MKRN1: variants seen among roughly 807,000 people sequenced by gnomAD.
MKRN1 encodes makorin ring finger protein 1, also known as E3 ubiquitin-protein ligase makorin-1.
In MKRN1, 9 loss-of-function variants were observed where a neutral mutation model predicts 55.5. The observed-to-expected ratio is 0.16, with a 90% confidence interval of 0.10 to 0.28. The LOEUF is 0.28. MKRN1 is among the 10% of genes least tolerant of loss of function. The pLI is 1.00. For synonymous variants in MKRN1, 253 were observed against 235.9 expected (o/e 1.07, Z -0.66); for missense variants, 488 against 626.7 (o/e 0.78, Z 2.36).
At position 140,459,067 on chromosome 7, in the gene MKRN1, G is replaced by C; in HGVS notation, c.711C>G (p.Asp237Glu). ...GATGCAGGACCTGCAGCCCACACATGTCACAAGAATCTCCGTGGAGATACA... is the reference window on the plus strand; with the variant it reads ...GATGCAGGACCTGCAGCCCACACATCTCACAAGAATCTCCGTGGAGATACA... ...NCVYLHGDSC[D>E]MCGLQVLHPM... Residue 237 changes from aspartate to glutamate, a missense_variant, in exon 4 of 8, where the codon GAC (aspartate) becomes GAG (glutamate). Asp to Glu is a conservative substitution (Grantham distance 45, BLOSUM62 2). This residue lies in a region of MKRN1 where 278 missense variants were observed against 406.7 expected (regional missense o/e 0.68). Coordinates refer to ENST00000255977, the MANE Select transcript of MKRN1 (RefSeq NM_013446.4). The C allele has an allele frequency of 6.2e-7, 1 of 1,613,958 alleles. No homozygotes were observed. The highest frequency in any genetic ancestry group is 8.5e-7 in the Non-Finnish European group (1 of 1,179,864).
At chr7:140,474,721 CTTTTT>C (rs10706027) in intron 1 of MKRN1, among the ~76,000 whole-genome samples, 1 of 139,078 alleles carries the variant, frequency 7.2e-6, no homozygotes, top group East Asian at 2.1e-4. Flanking sequence ...TTCCTTCTTT[CTTTTT>C]TTTTTTTTTT....
rs1015639568 is a variant in MKRN1 at position 140,455,425 on chromosome 7, A to G, written c.1098-192T>C. 5 of 669,764 alleles carry G rather than the reference A, an allele frequency of 7.5e-6. No individual in the cohort carries two copies. In the African/African-American group the frequency reaches 9.1e-5, roughly 12 times the overall value. The allele number at this position is 669,764 out of a possible 1,614,324, so 41.5% of individuals were successfully genotyped here. A position where few individuals can be genotyped will look rare whatever the true frequency, so the allele number is the denominator to read the frequency against. On this transcript the variant is annotated intron_variant, in intron 6 of 7. Transcript: ENST00000255977. ...AACTAGAAACCGGTAACTCTGTTCA[A>G]GTCTATGCTGGTTAATAGCTCTAGT...
chr7:140,455,869 A>T lies in MKRN1; in HGVS notation c.1018T>A (p.Phe340Ile). ...SCPECRITSN[F>I]VIPSEYWVEE... is the part of the protein sequence containing the mutation. ...ACCCAGTACTCACTTGGAATGACAA[A>T]GTTAGATGTGATCCGGCATTCTGGG... Residue 340 changes from phenylalanine to isoleucine, a missense_variant, in exon 6 of 8, where the codon TTT (phenylalanine) becomes ATT (isoleucine). By Grantham distance (21) the Phe-to-Ile change is conservative. This residue lies in a region of MKRN1 where 278 missense variants were observed against 406.7 expected (regional missense o/e 0.68). Coordinates refer to ENST00000255977, the MANE Select transcript of MKRN1 (RefSeq NM_013446.4). 6.2e-7 allele frequency: 1 copy of T among 1,614,062 alleles called. No individual in the cohort carries two copies. The highest frequency in any genetic ancestry group is 1.3e-5 in the African/African-American group (1 of 75,022).
At chr7:140,476,545 G>GT (rs72087358) in intron 1 of MKRN1, among the ~76,000 whole-genome samples, 377 of 125,826 alleles carry the variant, frequency 3.0e-3, no homozygotes, top group African/African-American at 4.2e-3. Flanking sequence ...TACAAGTTTT[G>GT]TTTTTTTTTT....
Position 140,453,162 on chromosome 7 carries a change from G to C in MKRN1, c.*1355C>G, listed in dbSNP as rs14493. On this transcript the variant is annotated 3_prime_UTR_variant, in exon 8 of 8. Coordinates refer to ENST00000255977, the MANE Select transcript of MKRN1 (RefSeq NM_013446.4). ...TTTTTCTTAAAGTGAAAGAATGGGT[G>C]GGATCCAAGGAATCAAAGCAGTAGA... 1 of 152,534 alleles carries C rather than the reference G, an allele frequency of 6.6e-6. No individual in the cohort carries two copies. Among genetic ancestry groups the C allele is most frequent in the Non-Finnish European group, 1.5e-5 (1 of 68,036 alleles). 9.4% of individuals were successfully genotyped at this position (152,534 alleles called of 1,614,324 possible).
Position 140,459,103 on chromosome 7 carries a change from C to T in MKRN1, c.675G>A (p.Gly225=), listed in dbSNP as rs193237554. 2.5e-6 allele frequency: 4 copies of T among 1,613,978 alleles called. No homozygotes were observed. The highest frequency in any genetic ancestry group is 4.5e-5 in the East Asian group (2 of 44,888). Residue 225 remains glycine (G), a synonymous_variant, in exon 4 of 8, where the codon GGG becomes GGA. Coordinates refer to ENST00000255977, the MANE Select transcript of MKRN1 (RefSeq NM_013446.4). ...CTCCGTGGAGATACACACAGTTCTC[C>T]CCGTATCGGCACTCTCCCACTGCAG... ...PYAAVGECRY[G]ENCVYLHGDS... is the part of the protein sequence containing the mutation.
intron 1 of MKRN1, 137 bp downstream of exon 1, chr7:140,479,002 GGCAGCGGGGGCCGCGAGGGCT>G: frequency 1.1e-6 from 1 of 908,074 alleles, no homozygotes; most frequent in Non-Finnish European, 1.4e-6. Flanking sequence ...GGAACGCGGC[GGCAGCGGGGGCCGCGAGGGCT>G]GCAGAGATCG....
chr7:140,456,579 T>C lies in MKRN1; in HGVS notation c.986+73A>G, dbSNP rs966385028. 5 of 1,571,610 alleles carry C rather than the reference T, an allele frequency of 3.2e-6. No individual in the cohort carries two copies. In the African/African-American group the frequency reaches 6.8e-5, roughly 21 times the overall value. On this transcript the variant is annotated intron_variant, in intron 5 of 7. Coordinates refer to ENST00000255977, the MANE Select transcript of MKRN1 (RefSeq NM_013446.4). Reference sequence around the variant, plus strand: ...TGCATTTAAATGCGGTCCATCTGGTTGAAAGTTGGCACAAGTTACTAAATT... The same window carrying C: ...TGCATTTAAATGCGGTCCATCTGGTCGAAAGTTGGCACAAGTTACTAAATT...
intron 1 of MKRN1, among the ~76,000 whole-genome samples, chr7:140,477,150 A>G (rs1795147368): frequency 1.3e-5 from 2 of 152,070 alleles, no homozygotes; most frequent in South Asian, 4.1e-4. Context: ...TAAAGGAGAA[A>G]ATAGTTTTAA....
At chr7:140,458,860 C>A (rs1794538980) in intron 4 of MKRN1, 147 bp downstream of exon 4, 7 of 794,886 alleles carry the variant, frequency 8.8e-6, no homozygotes, top group Non-Finnish European at 1.4e-5. Context: ...GATAAAGCAT[C>A]CAAGAAGCCC....
At chr7:140,473,150 T>C in intron 1 of MKRN1, 1 of 389,938 alleles carries the variant, frequency 2.6e-6, no homozygotes. Flanking sequence ...GTCAAAGAAT[T>C]TCTCCTCCAA....
chr7:140,474,001 AAAAAAAAGAAAGAAAGAAAGAAAGAAAG>A (rs1563096725), intron 1 of MKRN1, among the ~76,000 whole-genome samples: 1 of 103,316 alleles, frequency 9.7e-6, no homozygotes, highest in Non-Finnish European at 1.9e-5. Flanking sequence ...TCAAAAAAAA[AAAAAAAAGAAAGAAAGAAAGAAAGAAAG>A]AAAGAAAGAA....
At chr7:140,467,544 G>A (rs988995591) in intron 2 of MKRN1, among the ~76,000 whole-genome samples, 10 of 151,902 alleles carry the variant, frequency 6.6e-5, no homozygotes, top group South Asian at 2.1e-4. Flanking sequence ...TCCCAAAAGC[G>A]CGGGGATGAC....
chr7:140,474,370 G>A (rs532069904), intron 1 of MKRN1: 204 of 262,864 alleles, frequency 7.8e-4, no homozygotes, highest in Non-Finnish European at 1.7e-4. Flanking sequence ...GCCAGGCATG[G>A]TGGCACACAC....
Position 140,463,095 on chromosome 7 carries a change from C to T in MKRN1, c.315-3159G>A, listed in dbSNP as rs180904549. Among the ~76,000 whole-genome samples, 3 of 152,276 alleles carry T rather than the reference C, an allele frequency of 2.0e-5. No homozygotes were observed. In the East Asian group the frequency reaches 5.8e-4, roughly 29 times the overall value. Reference sequence around the variant, plus strand: ...GCCAACATGGTGAAACCACCATCTCCAAAGACATTCATATTCCTCCTCTTA... The same window carrying T: ...GCCAACATGGTGAAACCACCATCTCTAAAGACATTCATATTCCTCCTCTTA... On this transcript the variant is annotated intron_variant, in intron 2 of 7. Coordinates refer to ENST00000255977, the MANE Select transcript of MKRN1 (RefSeq NM_013446.4).
At chr7:140,478,029 A>AGAG (rs1392956405) in intron 1 of MKRN1, 1 of 152,220 alleles carries the variant, frequency 6.6e-6, no homozygotes, top group Non-Finnish European at 1.5e-5. Flanking sequence ...AAAGGCTGAG[A>AGAG]GACCTTCGAA....
At position 140,456,478 on chromosome 7, in the gene MKRN1, C is replaced by T. The variant is rs185986740; in HGVS notation, c.986+174G>A. 91 of 1,431,164 alleles carry T rather than the reference C, an allele frequency of 6.4e-5. No individual in the cohort carries two copies. The East Asian group carries it at 2.0e-3, about 31-fold the overall frequency. 88.7% of individuals were successfully genotyped at this position (1,431,164 alleles called of 1,614,324 possible). A position where few individuals can be genotyped will look rare whatever the true frequency, so the allele number is the denominator to read the frequency against. ...CCTCATTCAAATAAAAGTAGATAGA[C>T]CAACTAACCTAGAAGCTAGCTGAAA... On this transcript the variant is annotated intron_variant, in intron 5 of 7. Transcript: ENST00000255977.
intron 1 of MKRN1, chr7:140,474,426 T>C: frequency 2.7e-6 from 1 of 368,926 alleles, no homozygotes; most frequent in South Asian, 1.9e-5. Context: ...TTGCTTGAAC[T>C]CGCAGTGGGT....
chr7:140,477,180 C>A (rs1009438417), intron 1 of MKRN1, among the ~76,000 whole-genome samples: 2 of 151,300 alleles, frequency 1.3e-5, no homozygotes, highest in Admixed American at 1.3e-4. Flanking sequence ...CATGTTGGTA[C>A]CTAGAACAAC....
Sources: allele counts gnomAD v4.1 joint callset (sites outside exome capture counted in the v4.1 genomes callset), GRCh38; gene constraint gnomAD v4.1.1; regional missense constraint gnomAD v4.1.1; transcripts MANE v1.5; gene names NCBI Gene and HGNC (gene_info 2026-07-23, HGNC 2026-07-21).